VPS8: variants seen among roughly 807,000 people sequenced by gnomAD.
The protein encoded by VPS8 is VPS8 subunit of CORVET complex.
A neutral mutation model predicts 216.4 loss-of-function variants in VPS8; 129 were observed. The ratio of observed to expected loss-of-function variants is 0.60; its 90% confidence interval spans 0.52 to 0.69. The LOEUF (loss-of-function observed/expected upper bound fraction) is 0.69. Among genes scored for constraint, VPS8 ranks in the 30% least tolerant of loss-of-function variants. The pLI, the probability that VPS8 is intolerant of heterozygous loss-of-function variation, is 0.00. For synonymous variants in VPS8, 571 were observed against 565.4 expected (o/e 1.01, Z -0.14); for missense variants, 1,531 against 1,683.5 (o/e 0.91, Z 1.59).
chr3:184,865,326 A>C (rs1727136678), intron 16 of VPS8, among the ~76,000 whole-genome samples: 1 of 152,160 alleles, frequency 6.6e-6, no homozygotes. Context: ...TAAACTGTAT[A>C]CGAATTGATC....
chr3:184,984,844 A>G (rs954915171), intron 42 of VPS8, among the ~76,000 whole-genome samples: 5 of 152,226 alleles, frequency 3.3e-5, no homozygotes, highest in Admixed American at 1.3e-4. Flanking sequence ...TTAACCACAC[A>G]TTATGATATG....
chr3:184,834,839 G>C (rs931149282), intron 5 of VPS8, 97 bp downstream of exon 5: 1 of 918,716 alleles, frequency 1.1e-6, no homozygotes, highest in East Asian at 2.8e-5. Context: ...CTCTTGGCCC[G>C]AGGCTTAAGA....
rs116887517 is a variant in VPS8 at position 184,952,813 on chromosome 3, T to C, written c.3036-4561T>C. On this transcript the variant is annotated intron_variant, in intron 36 of 47. Transcript: ENST00000625842. ...CCTCTGCCATTCGGCAAAACAGTTGTGGAGGTGGTGTTTAGTGTTTAGGAA... is the reference window on the plus strand; with the variant it reads ...CCTCTGCCATTCGGCAAAACAGTTGCGGAGGTGGTGTTTAGTGTTTAGGAA... 1.5e-3 allele frequency among the ~76,000 whole-genome samples: 222 copies of C among 152,246 alleles called. 8 individuals carry two copies. The East Asian group carries it at 0.04, about 28-fold the overall frequency.
At chr3:184,839,519 A>G (rs573871551) in intron 6 of VPS8, 179 bp from the exon 7 acceptor site, 2 of 584,376 alleles carry the variant, frequency 3.4e-6, no homozygotes, top group African/African-American at 3.8e-5. Flanking sequence ...AGGGATTCTC[A>G]GAAATAAAAT....
chr3:185,034,145 T>A (rs1758552632), intron 46 of VPS8, among the ~76,000 whole-genome samples: 1 of 152,192 alleles, frequency 6.6e-6, no homozygotes, highest in South Asian at 2.1e-4. Context: ...CATGTGGTAT[T>A]TTGTTTTCTG....
chr3:184,944,987 A>C (rs1576933232), intron 36 of VPS8, among the ~76,000 whole-genome samples: 1 of 152,222 alleles, frequency 6.6e-6, no homozygotes, highest in East Asian at 1.9e-4. Flanking sequence ...TATTAAAAAA[A>C]ATACCTACTT....
intron 29 of VPS8, among the ~76,000 whole-genome samples, chr3:184,923,760 A>G (rs922527408): frequency 2.6e-5 from 4 of 152,164 alleles, no homozygotes; most frequent in Non-Finnish European, 5.9e-5. Flanking sequence ...TTCTGTGTCC[A>G]TGATTTTGCT....
chr3:184,982,730 C>A, intron 41 of VPS8, 83 bp downstream of exon 41: 1 of 1,153,194 alleles, frequency 8.7e-7, no homozygotes, highest in Non-Finnish European at 1.2e-6. Context: ...AGTATAATAT[C>A]TTTTTCCAAT....
chr3:184,852,058 T>C (rs1038676225), intron 10 of VPS8, among the ~76,000 whole-genome samples: 3 of 152,220 alleles, frequency 2.0e-5, no homozygotes, highest in Admixed American at 6.5e-5. Flanking sequence ...TTTTCAGCTA[T>C]TCAGAAGACA....
At position 184,908,492 on chromosome 3, in the gene VPS8, C is replaced by T. The variant is rs146560984; in HGVS notation, c.2147-5027C>T. 2.8e-4 allele frequency among the ~76,000 whole-genome samples: 42 copies of T among 152,348 alleles called. No individual in the cohort carries two copies. The South Asian group carries it at 6.0e-3, about 22-fold the overall frequency. ...AGCAGCACCCAGACAAGGGTGCCCA[C>T]GACCCTGAAGCCCCAGATGGGGTGT... On this transcript the variant is annotated intron_variant, in intron 25 of 47. Transcript: ENST00000625842.
chr3:184,861,817 G>T (rs573667989), intron 15 of VPS8, among the ~76,000 whole-genome samples: 1 of 152,228 alleles, frequency 6.6e-6, no homozygotes, highest in African/African-American at 2.4e-5. Context: ...TGACCTCTGA[G>T]AGTACCTAAG....
chr3:184,977,562 C>G (rs1282463194), intron 40 of VPS8, among the ~76,000 whole-genome samples: 1 of 152,050 alleles, frequency 6.6e-6, no homozygotes. Flanking sequence ...CCTAGGTATT[C>G]TTCTAAGAGT....
In VPS8 at chr3:184,966,652, T is replaced by G; in HGVS notation, c.3274-19T>G. On this transcript the variant is annotated intron_variant, in intron 38 of 47. Coordinates refer to ENST00000625842, the MANE Select transcript of VPS8 (RefSeq NM_001009921.3). ...ATAAAGTGTTCCTTTTTAACTCCTA[T>G]GTTCTTTTTATCTCCTAGAGACTAC... is the stretch of plus-strand genomic sequence containing the variant. 1 of 1,541,126 alleles carries G rather than the reference T, an allele frequency of 6.5e-7. No individual in the cohort carries two copies. The highest frequency in any genetic ancestry group is 8.8e-7 in the Non-Finnish European group (1 of 1,133,484).
intron 21 of VPS8, among the ~76,000 whole-genome samples, chr3:184,885,181 C>G (rs1730983019): frequency 6.6e-6 from 1 of 152,182 alleles, no homozygotes; most frequent in South Asian, 2.1e-4. Flanking sequence ...TTAGTTTTGA[C>G]CTTTTTATCA....
chr3:185,046,914 G>T (rs941132676), intron 46 of VPS8, among the ~76,000 whole-genome samples: 1 of 152,180 alleles, frequency 6.6e-6, no homozygotes. Context: ...AAATCTGCAT[G>T]CCGGCCCTCC....
At chr3:184,999,477 C>T (rs756360100) in intron 44 of VPS8, among the ~76,000 whole-genome samples, 19 of 152,300 alleles carry the variant, frequency 1.2e-4, no homozygotes, top group African/African-American at 3.6e-4. Context: ...GTGATTTGTT[C>T]GTACTCACAA....
intron 22 of VPS8, among the ~76,000 whole-genome samples, chr3:184,891,507 T>G (rs1006349059): frequency 2.0e-5 from 3 of 152,202 alleles, no homozygotes; most frequent in African/African-American, 7.2e-5. Context: ...AAGGCGTTTT[T>G]AATTTTATAA....
chr3:184,835,711 T>TG (rs1354468163), intron 5 of VPS8, among the ~76,000 whole-genome samples: 14 of 146,096 alleles, frequency 9.6e-5, no homozygotes, highest in African/African-American at 3.5e-4. Flanking sequence ...GGATTTTTCT[T>TG]TTTTTTTTTT....
chr3:184,973,608 A>G (rs1470608871), intron 40 of VPS8, among the ~76,000 whole-genome samples: 1 of 152,182 alleles, frequency 6.6e-6, no homozygotes, highest in Non-Finnish European at 1.5e-5. Context: ...ATTGTTTACT[A>G]TAATCACCCT....
Sources: allele counts gnomAD v4.1 joint callset (sites outside exome capture counted in the v4.1 genomes callset), GRCh38; gene constraint gnomAD v4.1.1; transcripts MANE v1.5; gene names NCBI Gene and HGNC (gene_info 2026-07-23, HGNC 2026-07-21).